The following IKBIP variants were observed in gnomAD, a reference collection of about 807,000 sequenced individuals.
The protein encoded by IKBIP is IKBKB interacting protein.
In IKBIP, 28 loss-of-function variants were observed where a neutral mutation model predicts 31.0. That is an observed-to-expected ratio of 0.90 (90% CI 0.67 to 1.24). The LOEUF is 1.24. Ranked by LOEUF, IKBIP falls within the 50% of genes most tolerant of loss-of-function variation. The pLI is 0.00. For missense variants in IKBIP, 453 were observed against 441.9 expected, an observed-to-expected ratio of 1.03 and a Z score of -0.23; for synonymous variants, 164 against 160.3, an observed-to-expected ratio of 1.02 and a Z score of -0.17.
intron 1 of IKBIP, among the ~76,000 whole-genome samples, chr12:98,638,078 G>T (rs2097627407): frequency 6.6e-6 from 1 of 151,950 alleles, no homozygotes; most frequent in Non-Finnish European, 1.5e-5. Flanking sequence ...AGGAAGAAAA[G>T]AACTATAAGT....
At chr12:98,629,918 C>T (rs1399492747) in intron 2 of IKBIP, among the ~76,000 whole-genome samples, 1 of 152,090 alleles carries the variant, frequency 6.6e-6, no homozygotes, top group Non-Finnish European at 1.5e-5. Flanking sequence ...ATATTCTAAT[C>T]GTTTTTCATT....
At chr12:98,635,014 T>G (rs1159208329) in intron 1 of IKBIP, among the ~76,000 whole-genome samples, 1 of 147,530 alleles carries the variant, frequency 6.8e-6, no homozygotes, top group Non-Finnish European at 1.5e-5. Context: ...CGGTATTTTT[T>G]TTTTTTTTTA....
intron 1 of IKBIP, among the ~76,000 whole-genome samples, chr12:98,644,039 A>T (rs1470121245): frequency 3.3e-5 from 5 of 151,550 alleles, no homozygotes; most frequent in African/African-American, 1.2e-4. Flanking sequence ...CTAGTCTCGA[A>T]CTCCTGACCT....
rs1023662125 is a variant in IKBIP at position 98,626,562 on chromosome 12, T to C, written c.502A>G (p.Ile168Val). 1.1e-5 allele frequency: 18 copies of C among 1,613,308 alleles called. 1 individual carries two copies. Among genetic ancestry groups the C allele is most frequent in the Non-Finnish European group, 1.5e-5 (18 of 1,179,816 alleles). Reference sequence around the variant, plus strand: ...TCTGATTTGAAAATGTCTGTATTAATGTTCATTTCTTCTAGGCTTCTCTTC... The same window carrying C: ...TCTGATTTGAAAATGTCTGTATTAACGTTCATTTCTTCTAGGCTTCTCTTC... ...FWKRSLEEMN[I>V]NTDIFKSEAK... The change falls in exon 3 of 3, where the codon ATT becomes GTT. Residue 168 changes from isoleucine to valine, a missense_variant. Physicochemically the swap from Ile to Val is conservative, Grantham distance 29. Coordinates refer to ENST00000299157, the MANE Select transcript of IKBIP (RefSeq NM_153687.4).
intron 2 of IKBIP, among the ~76,000 whole-genome samples, chr12:98,628,246 G>T (rs896015474): frequency 6.6e-6 from 1 of 152,236 alleles, no homozygotes; most frequent in Non-Finnish European, 1.5e-5. Context: ...AAGCACTCAG[G>T]TGGAGACCCA....
rs1238226377 is a variant in IKBIP, at chr12:98,624,736, G to A, written c.*1194C>T. ...AAATGACGTATTTTTAACTATCATA[G>A]TTATTATCATAATTAATTATCAGAG... On this transcript the variant is annotated 3_prime_UTR_variant, in exon 3 of 3. Coordinates refer to ENST00000299157, the MANE Select transcript of IKBIP (RefSeq NM_153687.4). 5 of 894,020 alleles carry A rather than the reference G, an allele frequency of 5.6e-6. No homozygotes were observed. In the African/African-American group the frequency reaches 9.0e-5, roughly 16 times the overall value. 55.4% of individuals were successfully genotyped at this position (894,020 alleles called of 1,614,324 possible). A position where few individuals can be genotyped will look rare whatever the true frequency, so the allele number is the denominator to read the frequency against.
At chr12:98,618,599 C>T (rs2097607707) in intron 2 of IKBIP, among the ~76,000 whole-genome samples, 1 of 148,322 alleles carries the variant, frequency 6.7e-6, no homozygotes, top group African/African-American at 2.5e-5. Flanking sequence ...GCACTCCAGC[C>T]TGGGCGACAG....
At chr12:98,623,911 T>C (rs1020403916), downstream of IKBIP, among the ~76,000 whole-genome samples, 4 of 151,126 alleles carry the variant, frequency 2.6e-5, 1 homozygote, top group African/African-American at 9.9e-5. Context: ...TCTAAATCTC[T>C]CTAATAATTT....
chr12:98,619,154 T>C (rs1289125461), intron 2 of IKBIP, among the ~76,000 whole-genome samples: 1 of 152,188 alleles, frequency 6.6e-6, no homozygotes, highest in East Asian at 1.9e-4. Flanking sequence ...TAGCCACAAA[T>C]AGGAAGGAAA....
Position 98,625,788 on chromosome 12 carries a change from A to T in IKBIP, c.*142T>A. 1.8e-6 allele frequency: 1 copy of T among 563,252 alleles called. No individual in the cohort carries two copies. The allele number at this position is 563,252 out of a possible 1,614,324, so 34.9% of individuals were successfully genotyped here. A position where few individuals can be genotyped will look rare whatever the true frequency, so the allele number is the denominator to read the frequency against. On this transcript the variant is annotated 3_prime_UTR_variant, in exon 3 of 3. Coordinates refer to ENST00000299157, the MANE Select transcript of IKBIP (RefSeq NM_153687.4). Reference sequence around the variant, plus strand: ...GTGCTTAAAAAGATAAGCTTTGATTATGTGGATAATCCATTTGTGTGGACA... The same window carrying T: ...GTGCTTAAAAAGATAAGCTTTGATTTTGTGGATAATCCATTTGTGTGGACA...
At chr12:98,636,428 TGAAA>T (rs1370652663) in intron 1 of IKBIP, among the ~76,000 whole-genome samples, 2 of 152,208 alleles carry the variant, frequency 1.3e-5, no homozygotes, top group East Asian at 1.9e-4. Flanking sequence ...AATGGAGAGG[TGAAA>T]GACTTTTCTG....
intron 2 of IKBIP, among the ~76,000 whole-genome samples, chr12:98,630,662 C>T (rs888671883): frequency 2.0e-4 from 31 of 152,060 alleles, no homozygotes; most frequent in Non-Finnish European, 3.2e-4. Context: ...CTATTGATGA[C>T]GTTGAGGACT....
Position 98,625,881 on chromosome 12 carries a change from A to C in IKBIP, c.*49T>G. The stretch of plus-strand genomic sequence containing the variant: ...CAAAGTAACTCAAAATCAATGGACT[A>C]ATCAATTTATGTATAATGATATGGT... On this transcript the variant is annotated 3_prime_UTR_variant, in exon 3 of 3. Transcript: ENST00000299157. The C allele has an allele frequency of 1.5e-6, 2 of 1,318,750 alleles. No homozygotes were observed. Among genetic ancestry groups the C allele is most frequent in the Non-Finnish European group, 2.0e-6 (2 of 1,006,566 alleles). 81.7% of individuals were successfully genotyped at this position (1,318,750 alleles called of 1,614,324 possible).
exon 3 of IKBIP, chr12:98,613,761 G>A (rs757692204): frequency 6.8e-6 from 11 of 1,611,250 alleles, no homozygotes; most frequent in South Asian, 2.2e-5. Flanking sequence ...GGTTCTAAAC[G>A]GGAAAAGTCC....
In IKBIP at chr12:98,625,173, T is replaced by C. The variant is rs2153296438; in HGVS notation, c.*757A>G. ...GTCTAACACAGTTGGAACCTAAAAC[T>C]CAGGTATATAAAGATATTTCAAAGA... is the stretch of plus-strand genomic sequence containing the variant. On this transcript the variant is annotated 3_prime_UTR_variant, in exon 3 of 3. Transcript: ENST00000299157. 1 of 984,788 alleles carries C rather than the reference T, an allele frequency of 1.0e-6. No individual in the cohort carries two copies. Among genetic ancestry groups the C allele is most frequent in the Non-Finnish European group, 1.2e-6 (1 of 829,386 alleles). The allele number at this position is 984,788 out of a possible 1,614,324, so 61.0% of individuals were successfully genotyped here.
chr12:98,623,835 T>C (rs1263134529), downstream of IKBIP, among the ~76,000 whole-genome samples: 2 of 151,172 alleles, frequency 1.3e-5, no homozygotes, highest in South Asian at 2.1e-4. Flanking sequence ...AGGAAAGTTT[T>C]TGAAATTTTA....
chr12:98,625,913 GAATA>G lies in IKBIP; in HGVS notation c.*13_*16del, dbSNP rs2097613763. The G allele has an allele frequency of 1.4e-6, 2 of 1,394,488 alleles. No individual in the cohort carries two copies. Among genetic ancestry groups the G allele is most frequent in the African/African-American group, 1.5e-5 (1 of 68,852 alleles). The allele number at this position is 1,394,488 out of a possible 1,614,324, so 86.4% of individuals were successfully genotyped here. ...TTATGTATAATGATATGGTTCATCA[GAATA>G]AATGTCATGAATTTAAAAATCACCA... On this transcript the variant is annotated 3_prime_UTR_variant, in exon 3 of 3. Transcript: ENST00000299157.
chr12:98,620,470 G>T (rs1397290573), downstream of IKBIP, among the ~76,000 whole-genome samples: 1 of 151,632 alleles, frequency 6.6e-6, no homozygotes, highest in African/African-American at 2.4e-5. Flanking sequence ...GGTTTCAAGA[G>T]ATTCTCCTGC....
intron 1 of IKBIP, 105 bp from the exon 2 acceptor site, chr12:98,634,518 G>A (rs1592998157): frequency 1.1e-5 from 6 of 560,954 alleles, no homozygotes; most frequent in Middle Eastern, 1.0e-3. Context: ...ATAAATTCTG[G>A]TATGGGTAGC....
Sources: allele counts gnomAD v4.1 joint callset (sites outside exome capture counted in the v4.1 genomes callset), GRCh38; gene constraint gnomAD v4.1.1; transcripts MANE v1.5; gene names NCBI Gene and HGNC (gene_info 2026-07-23, HGNC 2026-07-21).